CLCN5: variants seen among roughly 807,000 people sequenced by gnomAD.
CLCN5 encodes the protein Cl-/H+ antiporter 5.
CLCN5 carries 17 observed loss-of-function variants against 54.0 expected under a neutral mutation model. That is an observed-to-expected ratio of 0.31 (90% CI 0.22 to 0.47). The LOEUF (loss-of-function observed/expected upper bound fraction) is 0.47, where lower values mean the gene tolerates loss of function less well. Ranked by LOEUF, CLCN5 falls within the 20% of genes least tolerant of loss-of-function variation. The probability of loss-of-function intolerance (pLI) is 1.00; values close to 1 mark genes in which losing one functional copy is unlikely to be tolerated. For synonymous variants in CLCN5, 222 were observed against 233.0 expected (o/e 0.95, Z 0.43); for missense variants, 448 against 646.7 (o/e 0.69, Z 3.33).
intron 3 of CLCN5, among the ~76,000 whole-genome samples, chrX:49,966,435 G>A (rs373481501): frequency 7.8e-4 from 85 of 108,774 alleles, no homozygotes; most frequent in African/African-American, 2.6e-3. Flanking sequence ...GATAACTTGT[G>A]TTGTCTCTCT....
chrX:50,025,673 ATC>A (rs1389884159), intron 3 of CLCN5, among the ~76,000 whole-genome samples: 4 of 108,574 alleles, frequency 3.7e-5, no homozygotes, highest in Non-Finnish European at 7.7e-5. Flanking sequence ...CCATCTATTT[ATC>A]TCTCTCTCAT....
intron 3 of CLCN5, among the ~76,000 whole-genome samples, chrX:49,999,122 G>A (rs782497481): frequency 1.8e-5 from 2 of 109,824 alleles, no homozygotes; most frequent in East Asian, 2.9e-4. Context: ...CCCCACCCCC[G>A]ACACAGATGA....
At chrX:49,924,164 G>GTTTTTTTTTTTT (rs1925217923) in intron 2 of CLCN5, among the ~76,000 whole-genome samples, 10 of 81,491 alleles carry the variant, frequency 1.2e-4, no homozygotes, top group African/African-American at 5.0e-4. Context: ...TTTTTTTTTG[G>GTTTTTTTTTTTT]TTTGAGCCGG....
At position 50,053,997 on chromosome X, in the gene CLCN5, A is replaced by G. The variant is rs896720773; in HGVS notation, c.163+11535A>G. 3.7e-5 allele frequency among the ~76,000 whole-genome samples: 4 copies of G among 107,949 alleles called. No individual in the cohort carries two copies. The Admixed American group carries it at 4.0e-4, about 11-fold the overall frequency. The allele number at this position is 107,949 out of a possible 115,157, so 93.7% of individuals were successfully genotyped here. On this transcript the variant is annotated intron_variant, in intron 4 of 14. Transcript: ENST00000376091. ...TTGATTGTGAGTTTCCCTGAGGACA[A>G]CTCCTCTAGAGAGTCTGTGTCTTGC...
chrX:50,091,697 C>T (rs1934105456), intron 14 of CLCN5, among the ~76,000 whole-genome samples: 1 of 111,655 alleles, frequency 9.0e-6, no homozygotes, highest in Non-Finnish European at 1.9e-5. Flanking sequence ...AGGCAAGAAC[C>T]TAGCAGTGGT....
intron 4 of CLCN5, chrX:50,067,493 C>G (rs782156048): frequency 2.1e-6 from 1 of 471,340 alleles, no homozygotes; most frequent in Non-Finnish European, 2.6e-6. Context: ...CTTCTGTGCC[C>G]GGTTAAAAAT....
intron 3 of CLCN5, among the ~76,000 whole-genome samples, chrX:49,985,469 G>A (rs1330781333): frequency 1.8e-5 from 2 of 111,483 alleles, no homozygotes; most frequent in Non-Finnish European, 3.8e-5. Flanking sequence ...ATATTGTATT[G>A]TCTGGTTTAG....
chrX:50,084,861 T>C (rs1557193675), intron 9 of CLCN5, among the ~76,000 whole-genome samples: 1 of 111,814 alleles, frequency 8.9e-6, no homozygotes, highest in Non-Finnish European at 1.9e-5. Context: ...CACTCTACAA[T>C]ATAAAATTAA....
At chrX:49,998,753 C>T (rs781821465) in intron 3 of CLCN5, among the ~76,000 whole-genome samples, 2 of 111,133 alleles carry the variant, frequency 1.8e-5, no homozygotes, top group Non-Finnish European at 3.8e-5. Context: ...CTTTCCTGAT[C>T]CCATTCCTAT....
chrX:49,957,883 C>T (rs1332325781), intron 3 of CLCN5, among the ~76,000 whole-genome samples: 1 of 110,756 alleles, frequency 9.0e-6, no homozygotes, highest in Non-Finnish European at 1.9e-5. Flanking sequence ...ATGTTACAAA[C>T]TATAGTACAA....
chrX:50,049,564 AC>A (rs1330048552), intron 4 of CLCN5, among the ~76,000 whole-genome samples: 2 of 112,108 alleles, frequency 1.8e-5, no homozygotes, highest in Non-Finnish European at 3.8e-5. Flanking sequence ...CTTTAATCTT[AC>A]AAATTTTATT....
At chrX:49,966,607 T>TTA (rs1927888295) in intron 3 of CLCN5, among the ~76,000 whole-genome samples, 2 of 19,556 alleles carry the variant, frequency 1.0e-4, no homozygotes, top group Non-Finnish European at 1.6e-4. Context: ...TTTTTTTTTT[T>TTA]TTTTATTTTT....
chrX:50,009,508 A>G (rs1301914382), intron 3 of CLCN5, among the ~76,000 whole-genome samples: 1 of 111,854 alleles, frequency 8.9e-6, no homozygotes, highest in Non-Finnish European at 1.9e-5. Context: ...TCTGAAAAAG[A>G]TGCCACTCAT....
At position 50,095,803 on chromosome X, in the gene CLCN5, T is replaced by A. The variant is rs1934245520; in HGVS notation, c.*3584T>A. 8.9e-6 allele frequency: 1 copy of A among 112,421 alleles called. No individual in the cohort carries two copies. The highest frequency in any genetic ancestry group is 3.2e-5 in the African/African-American group (1 of 30,893). 9.3% of individuals were successfully genotyped at this position (112,421 alleles called of 1,213,427 possible). On this transcript the variant is annotated 3_prime_UTR_variant, in exon 15 of 15. Coordinates refer to ENST00000376091, the MANE Select transcript of CLCN5 (RefSeq NM_001127898.4). ...AAACTTAGTGTGCAATAGAGTCCATTATAGAAATTAACCACTGCTATATGT... is the reference window on the plus strand; with the variant it reads ...AAACTTAGTGTGCAATAGAGTCCATAATAGAAATTAACCACTGCTATATGT...
chrX:50,059,180 T>C (rs1932812292), intron 4 of CLCN5, among the ~76,000 whole-genome samples: 1 of 112,532 alleles, frequency 8.9e-6, no homozygotes, highest in South Asian at 3.6e-4. Context: ...TTGATGAAAG[T>C]GTGTGAACAA....
rs782268529 is a variant in CLCN5, at chrX:50,086,405, C to T, written c.1092C>T (p.Ser364=). ...AALVAAFTLR[S]INPFGNSRLV... ...TGGTGGCAGCATTCACTCTACGCTC[C>T]ATCAATCCATTTGGGAACAGCCGCC... The change falls in exon 11 of 15, where the codon TCC becomes TCT. Residue 364 remains serine, a synonymous_variant. Coordinates refer to ENST00000376091, the MANE Select transcript of CLCN5 (RefSeq NM_001127898.4). 3.3e-6 allele frequency: 4 copies of T among 1,210,775 alleles called. No homozygotes were observed. The highest frequency in any genetic ancestry group is 4.5e-6 in the Non-Finnish European group (4 of 894,830).
rs142217707 is a variant in CLCN5 at position 49,956,853 on chromosome X, C to T, written c.16+31539C>T. On this transcript the variant is annotated intron_variant, in intron 3 of 14. Coordinates refer to ENST00000376091, the MANE Select transcript of CLCN5 (RefSeq NM_001127898.4). Reference sequence around the variant, plus strand: ...ATGACATGATTTCCAGATATTTAACCATCTTAGTTGCCTTATTTGGGATAT... The same window carrying T: ...ATGACATGATTTCCAGATATTTAACTATCTTAGTTGCCTTATTTGGGATAT... 7.6e-3 allele frequency among the ~76,000 whole-genome samples: 847 copies of T among 111,902 alleles called. 4 individuals carry two copies. Among genetic ancestry groups the T allele is most frequent in the African/African-American group, 0.026 (799 of 30,816 alleles).
At chrX:50,046,750 G>A (rs1449457176) in intron 4 of CLCN5, among the ~76,000 whole-genome samples, 1 of 111,637 alleles carries the variant, frequency 9.0e-6, no homozygotes, top group Non-Finnish European at 1.9e-5. Context: ...CTTGAGTAGT[G>A]TAGGTTGGAG....
At chrX:49,946,675 C>A (rs1056529180) in intron 3 of CLCN5, among the ~76,000 whole-genome samples, 14 of 111,083 alleles carry the variant, frequency 1.3e-4, no homozygotes, top group African/African-American at 4.3e-4. Context: ...AACCTACTCA[C>A]ATGTCCCACT....
Sources: gnomAD v4.1 joint callset for allele counts (sites outside exome capture counted in the v4.1 genomes callset) on GRCh38, gnomAD v4.1.1 for gene constraint, MANE v1.5 for transcripts, NCBI Gene and HGNC (gene_info 2026-07-23, HGNC 2026-07-21) for gene names.